Variants in SYT1 observed in about 807,000 individuals in gnomAD.
SYT1 encodes synaptotagmin 1.
Under a neutral mutation model 44.8 loss-of-function variants are expected in SYT1, and 8 were observed. The observed-to-expected ratio is 0.18, with a 90% CI of 0.10 to 0.32. SYT1 has a LOEUF of 0.32. Ranked by LOEUF, SYT1 falls within the 10% of genes least tolerant of loss-of-function variation. The pLI is 1.00. For missense variants in SYT1, 286 were observed against 509.3 expected, an observed-to-expected ratio of 0.56 and a Z score of 4.22; for synonymous variants, 154 against 188.8, an observed-to-expected ratio of 0.82 and a Z score of 1.51.
rs943870951 is a variant in SYT1, at chr12:78,873,215, T to C, written c.-217+8106T>C. On this transcript the variant is annotated intron_variant, in intron 1 of 10. Transcript: ENST00000261205. ...CATTTAGAAAGCCTCTTATATTTTT[T>C]GTCTGTTGGAACTTACTGCCTCAGC... Among the ~76,000 whole-genome samples, 7 of 151,636 alleles carry C rather than the reference T, an allele frequency of 4.6e-5. No homozygotes were observed. In the South Asian group the frequency reaches 1.0e-3, roughly 22 times the overall value.
intron 4 of SYT1, among the ~76,000 whole-genome samples, chr12:79,266,060 T>A (rs1878108621): frequency 6.6e-6 from 1 of 152,192 alleles, no homozygotes; most frequent in East Asian, 1.9e-4. Flanking sequence ...AGGAGTCCAG[T>A]GGAGCCATGC....
chr12:79,182,849 G>A (rs186162716), intron 3 of SYT1, among the ~76,000 whole-genome samples: 57 of 152,110 alleles, frequency 3.7e-4, no homozygotes, highest in African/African-American at 1.3e-3. Flanking sequence ...CTTCTCATTA[G>A]AAATCAGTTC....
chr12:79,391,084 C>G (rs1322278355), intron 9 of SYT1, among the ~76,000 whole-genome samples: 1 of 152,174 alleles, frequency 6.6e-6, no homozygotes. Flanking sequence ...AACCTCAGTC[C>G]TCTCATCTCA....
chr12:78,971,753 G>A (rs1257379594), intron 1 of SYT1, among the ~76,000 whole-genome samples: 2 of 152,072 alleles, frequency 1.3e-5, no homozygotes, highest in Non-Finnish European at 2.9e-5. Flanking sequence ...TATAGCAGAG[G>A]CAATGTATAA....
At chr12:79,128,649 C>T (rs1868598636) in intron 3 of SYT1, among the ~76,000 whole-genome samples, 2 of 152,224 alleles carry the variant, frequency 1.3e-5, no homozygotes, top group South Asian at 4.1e-4. Flanking sequence ...TTGATAAAAT[C>T]CCAATTTCTT....
At chr12:79,230,321 C>G (rs1565865725) in intron 4 of SYT1, among the ~76,000 whole-genome samples, 2 of 152,038 alleles carry the variant, frequency 1.3e-5, no homozygotes, top group Non-Finnish European at 2.9e-5. Flanking sequence ...TTTAGTATTA[C>G]ATAGTTTCAA....
chr12:78,948,270 C>A (rs1447989433), intron 1 of SYT1, among the ~76,000 whole-genome samples: 2 of 151,718 alleles, frequency 1.3e-5, no homozygotes, highest in Non-Finnish European at 2.9e-5. Context: ...TATCTTTACT[C>A]CTAATCAAAA....
At chr12:78,921,063 A>G (rs7966197) in intron 1 of SYT1, among the ~76,000 whole-genome samples, 86,048 of 151,682 alleles carry the variant, frequency 0.57, 25,906 homozygotes, top group African/African-American at 0.77. Flanking sequence ...GATACTTAGG[A>G]CCACCATGAC....
intron 1 of SYT1, among the ~76,000 whole-genome samples, chr12:78,894,925 CA>C (rs1414462175): frequency 6.6e-6 from 1 of 151,276 alleles, no homozygotes; most frequent in Non-Finnish European, 1.5e-5. Flanking sequence ...GTTCTCACCA[CA>C]AAAAAATAAT....
chr12:78,865,290 A>G (rs1873477515), intron 1 of SYT1, among the ~76,000 whole-genome samples, 181 bp downstream of exon 1: 1 of 152,144 alleles, frequency 6.6e-6, no homozygotes, highest in Admixed American at 6.5e-5. Context: ...CTGGAAAAGC[A>G]CTTTGCACAG....
At chr12:79,029,358 T>TAA (rs199597216) in intron 2 of SYT1, among the ~76,000 whole-genome samples, 166 of 133,134 alleles carry the variant, frequency 1.2e-3, no homozygotes, top group African/African-American at 3.3e-3. Flanking sequence ...TACAAATCAG[T>TAA]AAAAAAAAAA....
intron 2 of SYT1, among the ~76,000 whole-genome samples, chr12:78,978,874 A>G (rs1408801772): frequency 5.3e-5 from 8 of 152,210 alleles, no homozygotes; most frequent in Non-Finnish European, 1.0e-4. Context: ...AAAAATACAT[A>G]GAAATACACC....
chr12:79,258,275 T>A (rs932080692), intron 4 of SYT1, among the ~76,000 whole-genome samples: 2 of 152,218 alleles, frequency 1.3e-5, no homozygotes, highest in African/African-American at 4.8e-5. Context: ...GCTTCTTTTC[T>A]TATGTTTTTC....
intron 9 of SYT1, among the ~76,000 whole-genome samples, chr12:79,359,343 T>C (rs1392297938): frequency 5.3e-5 from 8 of 152,142 alleles, no homozygotes; most frequent in African/African-American, 1.2e-4. Context: ...GGTTGCAAAG[T>C]GCTCTCCTTC....
At chr12:79,031,135 ATCTC>A (rs142901747) in intron 2 of SYT1, among the ~76,000 whole-genome samples, 5,031 of 151,186 alleles carry the variant, frequency 0.033, 273 homozygotes, top group African/African-American at 0.11. Flanking sequence ...GCTCAATAAA[ATCTC>A]TACTAGTTGA....
At chr12:78,944,501 A>G (rs755713482) in intron 1 of SYT1, among the ~76,000 whole-genome samples, 75 of 152,132 alleles carry the variant, frequency 4.9e-4, no homozygotes, top group Non-Finnish European at 9.0e-4. Context: ...GGGAGTTCAG[A>G]ATGCAAATAC....
intron 3 of SYT1, among the ~76,000 whole-genome samples, chr12:79,192,994 C>T (rs1592840529): frequency 6.6e-6 from 1 of 152,068 alleles, no homozygotes; most frequent in African/African-American, 2.4e-5. Flanking sequence ...AAGGGCAGTT[C>T]CATTCAGGTG....
intron 8 of SYT1, among the ~76,000 whole-genome samples, chr12:79,353,054 G>A (rs1316902950): frequency 6.6e-6 from 1 of 152,152 alleles, no homozygotes; most frequent in Non-Finnish European, 1.5e-5. Context: ...AAAACCTAGA[G>A]TATTAGAGGT....
chr12:79,394,999 T>A (rs1884812201), intron 9 of SYT1, among the ~76,000 whole-genome samples: 1 of 152,234 alleles, frequency 6.6e-6, no homozygotes, highest in Non-Finnish European at 1.5e-5. Flanking sequence ...ATAATTTTAT[T>A]ATCTTATATT....
Sources: allele counts gnomAD v4.1 joint callset (sites outside exome capture counted in the v4.1 genomes callset), GRCh38; gene constraint gnomAD v4.1.1; transcripts MANE v1.5; gene names NCBI Gene and HGNC (gene_info 2026-07-23, HGNC 2026-07-21).